NCKAP5: variants seen among roughly 807,000 people sequenced by gnomAD.
NCKAP5 encodes nck-associated protein 5.
NCKAP5 carries 92 observed loss-of-function variants against 167.0 expected under a neutral mutation model. The observed-to-expected ratio is 0.55, with a 90% confidence interval of 0.47 to 0.66. NCKAP5 has a LOEUF of 0.66. Among genes scored for constraint, NCKAP5 ranks in the 30% least tolerant of loss-of-function variants. The pLI is 0.00. For synonymous variants in NCKAP5, 891 were observed against 877.4 expected (o/e 1.02, Z -0.27); for missense variants, 2,378 against 2,315.0 (o/e 1.03, Z -0.56).
chr2:132,775,433 C>T (rs1008265480), intron 15 of NCKAP5, among the ~76,000 whole-genome samples: 3 of 152,200 alleles, frequency 2.0e-5, no homozygotes, highest in Non-Finnish European at 2.9e-5. Flanking sequence ...AAGGACAGAT[C>T]GTTAAGCGTT....
intron 3 of NCKAP5, among the ~76,000 whole-genome samples, chr2:133,367,997 C>G (rs533435197): frequency 1.4e-4 from 21 of 152,210 alleles, no homozygotes; most frequent in African/African-American, 4.6e-4. Context: ...AGATGCCCCC[C>G]AGAACTGAAG....
intron 11 of NCKAP5, among the ~76,000 whole-genome samples, chr2:132,797,759 G>T (rs1684719196): frequency 6.6e-6 from 1 of 152,116 alleles, no homozygotes; most frequent in Non-Finnish European, 1.5e-5. Context: ...TATCCCACTG[G>T]TCACTCTGTC....
chr2:133,190,377 C>T (rs1314860629), intron 5 of NCKAP5, among the ~76,000 whole-genome samples: 2 of 152,088 alleles, frequency 1.3e-5, no homozygotes, highest in Non-Finnish European at 2.9e-5. Context: ...TCAATGCCAT[C>T]CCCATCAAGC....
rs75762592 is a variant in NCKAP5 at position 133,287,422 on chromosome 2, A to G, written c.143+15615T>C. Among the ~76,000 whole-genome samples the G allele has an allele frequency of 2.0e-3, 304 of 152,332 alleles. 1 individual carries two copies. The highest frequency in any genetic ancestry group is 7.0e-3 in the African/African-American group (290 of 41,576). ...TAACTGAATAAATCCAGGTAAATAC[A>G]TATTTGGCTTTCAATTAGTCAGGAA... On this transcript the variant is annotated intron_variant, in intron 4 of 19. Coordinates refer to ENST00000409261, the MANE Select transcript of NCKAP5 (RefSeq NM_207363.3).
intron 1 of NCKAP5, among the ~76,000 whole-genome samples, chr2:133,563,144 T>C (rs549119312): frequency 6.6e-6 from 1 of 152,300 alleles, no homozygotes; most frequent in Admixed American, 6.5e-5. Flanking sequence ...GGCCAAACAT[T>C]ATTTCCAATT....
At chr2:132,772,484 A>G (rs1191729197) in intron 16 of NCKAP5, among the ~76,000 whole-genome samples, 1 of 152,206 alleles carries the variant, frequency 6.6e-6, no homozygotes, top group Non-Finnish European at 1.5e-5. Context: ...TTCAGCTTGT[A>G]ACTTTATATA....
At chr2:132,699,238 G>A (rs935278870) in intron 19 of NCKAP5, among the ~76,000 whole-genome samples, 1 of 152,194 alleles carries the variant, frequency 6.6e-6, no homozygotes, top group African/African-American at 2.4e-5. Flanking sequence ...GATTCTAAGT[G>A]TAAAAGGTGT....
chr2:133,389,997 G>A (rs1040874975), intron 3 of NCKAP5, among the ~76,000 whole-genome samples: 3 of 152,272 alleles, frequency 2.0e-5, no homozygotes, highest in East Asian at 1.9e-4. Context: ...GAAGCATCCC[G>A]ATTGACTCCT....
At chr2:133,340,223 T>A (rs1474357396) in intron 3 of NCKAP5, among the ~76,000 whole-genome samples, 1 of 152,168 alleles carries the variant, frequency 6.6e-6, no homozygotes, top group African/African-American at 2.4e-5. Context: ...TGACTAGCAA[T>A]TTTTTTGTAG....
At chr2:133,601,321 A>G in the NCKAP5 span, among the ~76,000 whole-genome samples, 1 of 152,252 alleles carries the variant, frequency 6.6e-6, no homozygotes, top group Admixed American at 6.5e-5. Context: ...ACCCAATTGA[A>G]GGAACAGGAA....
chr2:133,088,450 A>C (rs987896809), intron 6 of NCKAP5, among the ~76,000 whole-genome samples: 3 of 152,110 alleles, frequency 2.0e-5, no homozygotes, highest in Admixed American at 6.6e-5. Flanking sequence ...TCTAACACCA[A>C]GCTGTTCCTG....
At chr2:132,727,865 G>A (rs1690614061) in intron 18 of NCKAP5, among the ~76,000 whole-genome samples, 1 of 152,220 alleles carries the variant, frequency 6.6e-6, no homozygotes, top group South Asian at 2.1e-4. Flanking sequence ...TCCATACTGA[G>A]GCAGATGCTC....
intron 3 of NCKAP5, among the ~76,000 whole-genome samples, chr2:133,438,670 G>A (rs1409005352): frequency 6.6e-6 from 1 of 152,128 alleles, no homozygotes; most frequent in Non-Finnish European, 1.5e-5. Flanking sequence ...AGAAAATAAT[G>A]CACTTAAGAG....
At chr2:133,478,231 G>A (rs1393427721) in intron 3 of NCKAP5, among the ~76,000 whole-genome samples, 2 of 152,164 alleles carry the variant, frequency 1.3e-5, no homozygotes, top group East Asian at 3.8e-4. Flanking sequence ...CAAGTCCACT[G>A]CCCTTTACTG....
At chr2:133,495,124 C>T (rs975893779) in intron 3 of NCKAP5, among the ~76,000 whole-genome samples, 1 of 152,154 alleles carries the variant, frequency 6.6e-6, no homozygotes, top group African/African-American at 2.4e-5. Context: ...CTAAAAGCCT[C>T]CAGTTTGAGT....
intron 3 of NCKAP5, among the ~76,000 whole-genome samples, chr2:133,377,912 A>C (rs1686261969): frequency 6.6e-6 from 1 of 152,144 alleles, no homozygotes; most frequent in African/African-American, 2.4e-5. Flanking sequence ...CACAGGGAGC[A>C]GTCTAATTGG....
At chr2:133,476,464 C>G (rs912884560) in intron 3 of NCKAP5, among the ~76,000 whole-genome samples, 1 of 152,182 alleles carries the variant, frequency 6.6e-6, no homozygotes, top group Non-Finnish European at 1.5e-5. Context: ...GTAATTAAAG[C>G]TGCCGATTCT....
At chr2:133,239,260 G>T (rs2087567012) in intron 4 of NCKAP5, among the ~76,000 whole-genome samples, 1 of 152,128 alleles carries the variant, frequency 6.6e-6, no homozygotes, top group Non-Finnish European at 1.5e-5. Context: ...AAAGTTACAA[G>T]CCAAATCCCA....
intron 11 of NCKAP5, among the ~76,000 whole-genome samples, chr2:132,828,772 C>T (rs1254647730): frequency 6.6e-6 from 1 of 152,156 alleles, no homozygotes; most frequent in African/African-American, 2.4e-5. Context: ...CTCTCTCAAG[C>T]TTCCACAGGT....
Sources: allele counts gnomAD v4.1 joint callset (sites outside exome capture counted in the v4.1 genomes callset), GRCh38; gene constraint gnomAD v4.1.1; transcripts MANE v1.5; gene names NCBI Gene and HGNC (gene_info 2026-07-23, HGNC 2026-07-21).